PLEKHG4: variants seen among roughly 807,000 people sequenced by gnomAD.
PLEKHG4 encodes the protein pleckstrin homology and RhoGEF domain containing G4.
In PLEKHG4, 85 loss-of-function variants were observed where a neutral mutation model predicts 136.9. That is an observed-to-expected ratio of 0.62 (90% CI 0.52 to 0.74). The LOEUF (loss-of-function observed/expected upper bound fraction) is 0.74. Among genes scored for constraint, PLEKHG4 ranks in the 30% least tolerant of loss-of-function variants. The pLI is 0.00. For missense variants in PLEKHG4, 1,317 were observed against 1,527.8 expected (o/e 0.86, Z 2.30); for synonymous variants, 577 against 646.9 (o/e 0.89, Z 1.64).
chr16:67,280,902 C>T lies in PLEKHG4; in HGVS notation c.616C>T (p.Arg206Trp), dbSNP rs2036185539. 1 of 1,612,920 alleles carries T rather than the reference C, an allele frequency of 6.2e-7. No homozygotes were observed. The highest frequency in any genetic ancestry group is 8.5e-7 in the Non-Finnish European group (1 of 1,180,030). ...CACAGGGACTCGGGATGTCCAAGGC[C>T]GGGCAGTGCTGCTTCTGTGTGCCCA... ...TLPGTRDVQG[R>W]AVLLLCAHSP... The change falls in exon 4 of 22, where the codon CGG (arginine) becomes TGG (tryptophan). Residue 206 changes from arginine (R) to tryptophan (W), a missense_variant. Transcript: ENST00000379344. This position sits in a 1 kb window ranked among gnomAD's most constrained non-coding sequence, Gnocchi z 4.4.
At position 67,281,246 on chromosome 16, in the gene PLEKHG4, G is replaced by A. The variant is rs531368343; in HGVS notation, c.813+62G>A. ...TTTTCTTTTTTTTTTTTTTTGAGAC[G>A]GAGTCTTGCCTTTGTCGCCCAGGCT... is the stretch of plus-strand genomic sequence containing the variant. On this transcript the variant is annotated intron_variant, in intron 5 of 21. Transcript: ENST00000379344. 48 of 1,238,048 alleles carry A rather than the reference G, an allele frequency of 3.9e-5. No individual in the cohort carries two copies. The Admixed American group carries it at 6.1e-4, about 16-fold the overall frequency. 76.7% of individuals were successfully genotyped at this position (1,238,048 alleles called of 1,614,324 possible). A position where few individuals can be genotyped will look rare whatever the true frequency, so the allele number is the denominator to read the frequency against.
In PLEKHG4 at chr16:67,286,569, A is replaced by T; in HGVS notation, c.2657A>T (p.Gln886Leu). 6.4e-7 allele frequency: 1 copy of T among 1,563,242 alleles called. No individual in the cohort carries two copies. The change falls in exon 16 of 22, where the codon CAG becomes CTG. Residue 886 changes from glutamine (Q) to leucine (L), a missense_variant. Physicochemically the swap from Gln to Leu is moderately radical, Grantham distance 113. Transcript: ENST00000379344. The part of the protein sequence containing the change: ...ELARACGGPT[Q>L]ELSALREAQS... ...GCACGGGCCTGCGGGGGCCCCACGC[A>T]GGAGCTCAGTGCGCTGCGGGAGGCC... is the stretch of plus-strand genomic sequence containing the variant.
Position 67,284,065 on chromosome 16 carries a change from G to A in PLEKHG4, c.1510-210G>A, listed in dbSNP as rs188039348. Among the ~76,000 whole-genome samples, 209 of 152,228 alleles carry A rather than the reference G, an allele frequency of 1.4e-3. 1 individual carries two copies. Among genetic ancestry groups the A allele is most frequent in the Non-Finnish European group, 2.2e-3 (151 of 68,006 alleles). Reference sequence around the variant, plus strand: ...GCTGGAGAGGGCTGGTGCGGAGGGCGAGACGAGACGGTGAGGACAGATGAT... The same window carrying A: ...GCTGGAGAGGGCTGGTGCGGAGGGCAAGACGAGACGGTGAGGACAGATGAT... On this transcript the variant is annotated intron_variant, in intron 11 of 21. Transcript: ENST00000379344. This position sits in a 1 kb window ranked among gnomAD's most constrained non-coding sequence, Gnocchi z 4.4.
rs750959553 is a variant in PLEKHG4 at position 67,280,645 on chromosome 16, C to G, written c.500-66C>G. On this transcript the variant is annotated intron_variant, in intron 2 of 21. Transcript: ENST00000379344. The surrounding 1 kb of genome is among the most constrained non-coding windows in gnomAD (Gnocchi z 4.4). ...TCTCTGACCCTACTCAGGCTGAAGC[C>G]CGGGTCCAAGTAGGGGTCTCTGGAT... is the stretch of plus-strand genomic sequence containing the variant. 6.2e-7 allele frequency: 1 copy of G among 1,612,260 alleles called. No homozygotes were observed. Among genetic ancestry groups the G allele is most frequent in the South Asian group, 1.1e-5 (1 of 91,050 alleles).
In PLEKHG4 at chr16:67,286,433, A is replaced by G; in HGVS notation, c.2533-12A>G. The G allele has an allele frequency of 6.2e-7, 1 of 1,612,344 alleles. No homozygotes were observed. The highest frequency in any genetic ancestry group is 1.1e-5 in the South Asian group (1 of 90,882). On this transcript the variant is annotated splice_polypyrimidine_tract_variant and intron_variant, in intron 15 of 21. Transcript: ENST00000379344. ...CCCCCAAACCACTCAGTGGCCTCCCATCCGCCCACAGGACAAGCAGCAAGC... is the reference window on the plus strand; with the variant it reads ...CCCCCAAACCACTCAGTGGCCTCCCGTCCGCCCACAGGACAAGCAGCAAGC...
rs1459143436 is a variant in PLEKHG4 at position 67,280,896 on chromosome 16, C to T, written c.610C>T (p.Gln204Ter). The T allele has an allele frequency of 6.2e-7, 1 of 1,612,802 alleles. No homozygotes were observed. The highest frequency in any genetic ancestry group is 1.3e-5 in the African/African-American group (1 of 74,934). Residue 204 changes from glutamine to a stop codon, truncating the protein, a stop_gained, in exon 4 of 22, where the codon CAA (glutamine) becomes TAA (stop). Coordinates refer to ENST00000379344, the MANE Select transcript of PLEKHG4 (RefSeq NM_001129729.3). LOFTEE classifies it high-confidence loss of function. This position sits in a 1 kb window ranked among gnomAD's most constrained non-coding sequence, Gnocchi z 4.4. The part of the protein sequence containing the change: ...MATLPGTRDV[Q>*]GRAVLLLCAH... ...CCTCCCCACAGGGACTCGGGATGTC[C>T]AAGGCCGGGCAGTGCTGCTTCTGTG...
chr16:67,287,613 G>C (rs1319279587), intron 18 of PLEKHG4: 2 of 529,596 alleles, frequency 3.8e-6, no homozygotes, highest in Non-Finnish European at 6.8e-6. Flanking sequence ...GACTGGTCTT[G>C]AACTCCTGGG....
At position 67,281,991 on chromosome 16, in the gene PLEKHG4, G is replaced by T. The variant is rs762044625; in HGVS notation, c.1006-18G>T. The T allele has an allele frequency of 1.9e-6, 3 of 1,604,682 alleles. No individual in the cohort carries two copies. The African/African-American group carries it at 4.0e-5, about 21-fold the overall frequency. On this transcript the variant is annotated intron_variant, in intron 7 of 21. Coordinates refer to ENST00000379344, the MANE Select transcript of PLEKHG4 (RefSeq NM_001129729.3). ...CAACACTGCATGCTGCTCCGGTCAT[G>T]CCTGCCCCTGCTTACAGCGGCTGGA... is the stretch of plus-strand genomic sequence containing the variant.
chr16:67,277,821 T>C (rs1452509207), upstream of PLEKHG4: 2 of 152,320 alleles, frequency 1.3e-5, no homozygotes, highest in Non-Finnish European at 2.9e-5. Context: ...TAACATACAG[T>C]CTCTGTTTCC....
chr16:67,281,785 C>T lies in PLEKHG4; in HGVS notation c.953C>T (p.Ser318Leu), dbSNP rs770409263. The T allele has an allele frequency of 3.3e-5, 53 of 1,613,688 alleles. No individual in the cohort carries two copies. Among genetic ancestry groups the T allele is most frequent in the Non-Finnish European group, 4.3e-5 (51 of 1,180,032 alleles). ...THIPTAGLPT[S>L]LGGGLPYCHQ... The stretch of plus-strand genomic sequence containing the variant: ...ATCCCAACGGCGGGGCTGCCCACTT[C>T]GCTAGGAGGAGGCCTGCCTTACTGC... Residue 318 changes from serine to leucine, a missense_variant, in exon 7 of 22, where the codon TCG becomes TTG. Coordinates refer to ENST00000379344, the MANE Select transcript of PLEKHG4 (RefSeq NM_001129729.3).
intron 5 of PLEKHG4, 104 bp downstream of exon 5, chr16:67,281,288 A>G: frequency 2.3e-6 from 2 of 884,668 alleles, no homozygotes; most frequent in South Asian, 1.4e-5. Flanking sequence ...CAGTGGCGCA[A>G]TCTTGGCTCA....
At chr16:67,277,912 C>T (rs2036053299), upstream of PLEKHG4, 1 of 152,352 alleles carries the variant, frequency 6.6e-6, no homozygotes, top group African/African-American at 2.4e-5. Context: ...GGCTGTACCT[C>T]CCCTGAATCT....
Position 67,285,345 on chromosome 16 carries a change from C to T in PLEKHG4, c.2251C>T (p.Leu751=). ...CACGGAGCGGGAGTATGTCCGGGCT[C>T]TAGAGTACACTATGGAGAACTATTT... ...VATEREYVRA[L]EYTMENYFPE... is the part of the protein sequence containing the mutation. The change falls in exon 14 of 22, where the codon CTA becomes TTA. Residue 751 remains leucine, a synonymous_variant. Coordinates refer to ENST00000379344, the MANE Select transcript of PLEKHG4 (RefSeq NM_001129729.3). The T allele has an allele frequency of 6.2e-7, 1 of 1,614,216 alleles. No homozygotes were observed. The highest frequency in any genetic ancestry group is 8.5e-7 in the Non-Finnish European group (1 of 1,180,042).
In PLEKHG4 at chr16:67,284,663, C is replaced by T. The variant is rs1331041109; in HGVS notation, c.1693-50C>T. On this transcript the variant is annotated intron_variant, in intron 12 of 21. Coordinates refer to ENST00000379344, the MANE Select transcript of PLEKHG4 (RefSeq NM_001129729.3). This position sits in a 1 kb window ranked among gnomAD's most constrained non-coding sequence, Gnocchi z 4.4. ...GTGGGTAGAGGAGCAGAGTGCCCAG[C>T]AGGCTTGGCAGGATCTTCCTCTAAT... is the stretch of plus-strand genomic sequence containing the variant. 2.5e-6 allele frequency: 4 copies of T among 1,603,746 alleles called. No homozygotes were observed. Among genetic ancestry groups the T allele is most frequent in the East Asian group, 2.2e-5 (1 of 44,624 alleles).
rs956642431 is a variant in PLEKHG4 at position 67,288,034 on chromosome 16, G to A, written c.3220+20G>A. The A allele has an allele frequency of 6.4e-7, 1 of 1,572,424 alleles. No homozygotes were observed. Among genetic ancestry groups the A allele is most frequent in the African/African-American group, 1.3e-5 (1 of 74,228 alleles). The stretch of plus-strand genomic sequence containing the variant: ...GCCGAGGTAGCAGGCAGGCTACAGG[G>A]TGTGGGGGTGGGAGTAGGAAAGCTG... On this transcript the variant is annotated intron_variant, in intron 19 of 21. Coordinates refer to ENST00000379344, the MANE Select transcript of PLEKHG4 (RefSeq NM_001129729.3).
At chr16:67,279,162 CG>C (rs2036090881), upstream of PLEKHG4, 1 of 152,224 alleles carries the variant, frequency 6.6e-6, no homozygotes, top group Non-Finnish European at 1.5e-5. Context: ...CGCTCACCCA[CG>C]CGGCCTTCCT....
Position 67,285,384 on chromosome 16 carries a change from CGCCCCGATGT to C in PLEKHG4, c.2296_2305del (p.Asp766ArgfsTer66), listed in dbSNP as rs1281173621. On this transcript the variant is annotated frameshift_variant, in exon 14 of 22. Coordinates refer to ENST00000379344, the MANE Select transcript of PLEKHG4 (RefSeq NM_001129729.3). LOFTEE classifies it high-confidence loss of function. The stretch of plus-strand genomic sequence containing the variant: ...GGAGAACTATTTCCCCGAGCTGGAT[CGCCCCGATGT>C]GCCCCAGGGCCTCCGCGGTCAGCGT... The C allele has an allele frequency of 6.2e-7, 1 of 1,614,110 alleles. No homozygotes were observed. The highest frequency in any genetic ancestry group is 1.3e-5 in the African/African-American group (1 of 74,930).
Position 67,286,586 on chromosome 16 carries a change from C to T in PLEKHG4, c.2674C>T (p.Arg892Trp), listed in dbSNP as rs1356742876. The T allele has an allele frequency of 8.3e-6, 13 of 1,560,266 alleles. No individual in the cohort carries two copies. The highest frequency in any genetic ancestry group is 1.7e-4 in the Middle Eastern group (1 of 6,018). The change falls in exon 16 of 22, where the codon CGG becomes TGG. Residue 892 changes from arginine (R) to tryptophan (W), a missense_variant. Arg to Trp is a moderately radical substitution (Grantham distance 101, BLOSUM62 -3). Coordinates refer to ENST00000379344, the MANE Select transcript of PLEKHG4 (RefSeq NM_001129729.3). ...CCCCACGCAGGAGCTCAGTGCGCTG[C>T]GGGAGGCCCAGAGCCTTGTGCACTT... ...GGPTQELSAL[R>W]EAQSLVHFQL...
rs565988815 is a variant in PLEKHG4, at chr16:67,287,728, G to A, written c.3104-170G>A. On this transcript the variant is annotated intron_variant, in intron 18 of 21. Coordinates refer to ENST00000379344, the MANE Select transcript of PLEKHG4 (RefSeq NM_001129729.3). ...TCTTTAAAAGGGGAATATGGCACCT[G>A]CCCCACAGGATTGTTGGGAGGAGAG... 6.6e-5 allele frequency: 45 copies of A among 683,390 alleles called. No homozygotes were observed. The East Asian group carries it at 1.2e-3, about 19-fold the overall frequency. The allele number at this position is 683,390 out of a possible 1,614,324, so 42.3% of individuals were successfully genotyped here.
Sources: allele counts gnomAD v4.1 joint callset (sites outside exome capture counted in the v4.1 genomes callset), GRCh38; gene constraint gnomAD v4.1.1; non-coding constraint Gnocchi (gnomAD v3.1); transcripts MANE v1.5; gene names NCBI Gene and HGNC (gene_info 2026-07-23, HGNC 2026-07-21).